The following MYEF2 variants were observed in gnomAD, a reference collection of about 807,000 sequenced individuals.
MYEF2 encodes the protein myelin gene expression factor 2.
Under a neutral mutation model 75.2 loss-of-function variants are expected in MYEF2, and 37 were observed. The observed-to-expected ratio is 0.49, with a 90% CI of 0.38 to 0.65. The LOEUF is 0.65. Among genes scored for constraint, MYEF2 ranks in the 30% least tolerant of loss-of-function variants. The probability of loss-of-function intolerance (pLI) is 0.00; values close to 1 mark genes in which losing one functional copy is unlikely to be tolerated. For synonymous variants in MYEF2, 195 were observed against 241.6 expected, an observed-to-expected ratio of 0.81 and a Z score of 1.79; for missense variants, 634 against 771.4, an observed-to-expected ratio of 0.82 and a Z score of 2.11.
intron 16 of MYEF2, among the ~76,000 whole-genome samples, chr15:48,148,505 C>T (rs1231199231): frequency 6.6e-6 from 1 of 151,926 alleles, no homozygotes; most frequent in Non-Finnish European, 1.5e-5. Flanking sequence ...CAAGGCATTC[C>T]TGACAGTGGG....
At position 48,168,714 on chromosome 15, in the gene MYEF2, C is replaced by A. The variant is rs768134920; in HGVS notation, c.287G>T (p.Gly96Val). 1 of 1,613,862 alleles carries A rather than the reference C, an allele frequency of 6.2e-7. No individual in the cohort carries two copies. Among genetic ancestry groups the A allele is most frequent in the East Asian group, 2.2e-5 (1 of 44,844 alleles). ...DKNSGAGEKK[G>V]PNRNRVFISN... ...AATGAAAACTCTGTTACGATTTGGA[C>A]CCTTCTTTTCTCCAGCGCCCGAATT... Residue 96 changes from glycine to valine, a missense_variant, in exon 2 of 17, where the codon GGT becomes GTT. Physicochemically the swap from Gly to Val is moderately radical, Grantham distance 109. Transcript: ENST00000324324.
At position 48,145,054 on chromosome 15, in the gene MYEF2, TAGAAATC is replaced by T. The variant is rs2039228100; in HGVS notation, c.1640-1990_1640-1984del. Among the ~76,000 whole-genome samples, 3 of 151,864 alleles carry T rather than the reference TAGAAATC, an allele frequency of 2.0e-5. No individual in the cohort carries two copies. The South Asian group carries it at 6.2e-4, about 31-fold the overall frequency. ...TTCTCTTAAATTGCCTCTTTCAGTT[TAGAAATC>T]AGCACTCAGACCTCCAAATTCCTGA... On this transcript the variant is annotated intron_variant, in intron 16 of 16. Coordinates refer to ENST00000324324, the MANE Select transcript of MYEF2 (RefSeq NM_016132.5).
intron 2 of MYEF2, among the ~76,000 whole-genome samples, chr15:48,168,052 A>G (rs2040191814): frequency 6.6e-6 from 1 of 152,156 alleles, no homozygotes; most frequent in Non-Finnish European, 1.5e-5. Context: ...TTACAAGATC[A>G]AGTATTAAAA....
At position 48,142,013 on chromosome 15, in the gene MYEF2, T is replaced by C. The variant is rs1285912870; in HGVS notation, c.*895A>G. ...TATTGGTAAGCACATTTTAACAGTA[T>C]GCTTTTCTTTTGTAGGGAAAGGAGA... On this transcript the variant is annotated 3_prime_UTR_variant, in exon 17 of 17. Coordinates refer to ENST00000324324, the MANE Select transcript of MYEF2 (RefSeq NM_016132.5). 3 of 1,578,408 alleles carry C rather than the reference T, an allele frequency of 1.9e-6. No homozygotes were observed. The highest frequency in any genetic ancestry group is 8.6e-7 in the Non-Finnish European group (1 of 1,156,502).
In MYEF2 at chr15:48,158,928, T is replaced by C. The variant is rs893713874; in HGVS notation, c.718-6A>G. On this transcript the variant is annotated splice_region_variant and splice_polypyrimidine_tract_variant and intron_variant, in intron 6 of 16. Coordinates refer to ENST00000324324, the MANE Select transcript of MYEF2 (RefSeq NM_016132.5). Reference sequence around the variant, plus strand: ...CAACCAACTTTGAAGTCAAGCTTAATATAAAATTGTATAAAGTTACATACC... The same window carrying C: ...CAACCAACTTTGAAGTCAAGCTTAACATAAAATTGTATAAAGTTACATACC... 2.5e-6 allele frequency: 4 copies of C among 1,611,536 alleles called. No individual in the cohort carries two copies. Among genetic ancestry groups the C allele is most frequent in the African/African-American group, 2.7e-5 (2 of 74,764 alleles).
rs2039517232 is a variant in MYEF2 at position 48,152,221 on chromosome 15, T to C, written c.1138+13A>G. Reference sequence around the variant, plus strand: ...TGATGGGTACATACAAAAAAACAAATCTTTATACATACCTCCTCCAATTCT... The same window carrying C: ...TGATGGGTACATACAAAAAAACAAACCTTTATACATACCTCCTCCAATTCT... On this transcript the variant is annotated intron_variant, in intron 11 of 16. Transcript: ENST00000324324. 7 of 1,606,556 alleles carry C rather than the reference T, an allele frequency of 4.4e-6. No homozygotes were observed. Among genetic ancestry groups the C allele is most frequent in the Non-Finnish European group, 4.3e-6 (5 of 1,174,956 alleles).
At chr15:48,153,615 A>G in intron 10 of MYEF2, 177 bp downstream of exon 10, 2 of 565,748 alleles carry the variant, frequency 3.5e-6, no homozygotes, top group South Asian at 4.8e-5. Flanking sequence ...ACTTCTGCCT[A>G]TCTCTTTCAT....
At chr15:48,159,488 A>G in intron 6 of MYEF2, 125 bp downstream of exon 6, 1 of 771,716 alleles carries the variant, frequency 1.3e-6, no homozygotes. Context: ...TGAGTTTACA[A>G]TAATTACTAT....
In MYEF2 at chr15:48,158,196, A is replaced by G. The variant is rs2039778878; in HGVS notation, c.900T>C (p.Asp300=). ...ISMFNGQFLF[D]RPMHVKMDDK... ...TCACCATTTTCACATGCATAGGTCT[A>G]TCAAATAAAAACTGCCCATTGAACA... The change falls in exon 8 of 17, where the codon GAT becomes GAC. Residue 300 remains aspartate, a synonymous_variant. Transcript: ENST00000324324. The G allele has an allele frequency of 6.2e-7, 1 of 1,613,098 alleles. No individual in the cohort carries two copies. The highest frequency in any genetic ancestry group is 1.3e-5 in the African/African-American group (1 of 74,994).
intron 1 of MYEF2, among the ~76,000 whole-genome samples, chr15:48,169,174 T>C (rs754969347): frequency 3.3e-5 from 5 of 152,198 alleles, no homozygotes; most frequent in Non-Finnish European, 2.9e-5. Context: ...ATTTTACTTC[T>C]AAGGTATCTA....
intron 6 of MYEF2, 149 bp downstream of exon 6, chr15:48,159,464 A>T: frequency 3.1e-6 from 2 of 651,274 alleles, no homozygotes; most frequent in South Asian, 3.9e-5. Flanking sequence ...ATATGTATAT[A>T]CGTCAATTGA....
rs987457229 is a variant in MYEF2, at chr15:48,141,519, G to A, written c.*1389C>T. On this transcript the variant is annotated 3_prime_UTR_variant, in exon 17 of 17. Transcript: ENST00000324324. ...TTGAATCCAGGAGGCGGAGGTTGCA[G>A]TGAGCCGAGATTGCGCCACGGCACT... 2 of 199,440 alleles carry A rather than the reference G, an allele frequency of 1.0e-5. No homozygotes were observed. The highest frequency in any genetic ancestry group is 9.9e-5 in the South Asian group (1 of 10,092). 12.4% of individuals were successfully genotyped at this position (199,440 alleles called of 1,614,324 possible).
chr15:48,149,015 G>T lies in MYEF2; in HGVS notation c.1639+17C>A, dbSNP rs1302495067. Reference sequence around the variant, plus strand: ...CATAATCAATATCAACATATCTGCAGTCATTTGCATACTTACCACACTGAC... The same window carrying T: ...CATAATCAATATCAACATATCTGCATTCATTTGCATACTTACCACACTGAC... On this transcript the variant is annotated intron_variant, in intron 16 of 16. Transcript: ENST00000324324. This position sits in a 1 kb window ranked among gnomAD's most constrained non-coding sequence, Gnocchi z 4.0. The T allele has an allele frequency of 6.2e-7, 1 of 1,611,990 alleles. No individual in the cohort carries two copies. Among genetic ancestry groups the T allele is most frequent in the South Asian group, 1.1e-5 (1 of 91,000 alleles).
At chr15:48,155,274 C>T (rs1344329195) in intron 9 of MYEF2, among the ~76,000 whole-genome samples, 1 of 151,696 alleles carries the variant, frequency 6.6e-6, no homozygotes, top group East Asian at 1.9e-4. Context: ...AAAATGAGAC[C>T]AAAGACTCAA....
Position 48,136,978 on chromosome 15 carries a change from T to C in MYEF2, c.*5930A>G, listed in dbSNP as rs780829277. ...GGTTTCTGAAGGTAATCACTAAATCTTGCCCATTATTAAGTCTATTCGCAA... is the reference window on the plus strand; with the variant it reads ...GGTTTCTGAAGGTAATCACTAAATCCTGCCCATTATTAAGTCTATTCGCAA... On this transcript the variant is annotated 3_prime_UTR_variant, in exon 17 of 17. Coordinates refer to ENST00000324324, the MANE Select transcript of MYEF2 (RefSeq NM_016132.5). The C allele has an allele frequency of 6.3e-7, 1 of 1,597,870 alleles. No homozygotes were observed. Among genetic ancestry groups the C allele is most frequent in the South Asian group, 1.1e-5 (1 of 89,120 alleles).
Position 48,153,907 on chromosome 15 carries a change from G to A in MYEF2, c.986-14C>T, listed in dbSNP as rs776099481. 1.9e-6 allele frequency: 3 copies of A among 1,603,100 alleles called. No homozygotes were observed. The highest frequency in any genetic ancestry group is 2.6e-6 in the Non-Finnish European group (3 of 1,171,804). ...CTCCAAGACCACCTAAAACAAAAAT[G>A]AGAACAATCATTACAAAGATCCATA... On this transcript the variant is annotated splice_polypyrimidine_tract_variant and intron_variant, in intron 9 of 16. Coordinates refer to ENST00000324324, the MANE Select transcript of MYEF2 (RefSeq NM_016132.5).
chr15:48,154,178 A>G (rs1260552862), intron 9 of MYEF2: 2 of 212,438 alleles, frequency 9.4e-6, no homozygotes, highest in East Asian at 2.0e-4. Context: ...TAAAATACCT[A>G]GAGGATTTTG....
Position 48,153,876 on chromosome 15 carries a change from C to T in MYEF2, c.1003G>A (p.Gly335Arg). The T allele has an allele frequency of 6.2e-7, 1 of 1,613,104 alleles. No individual in the cohort carries two copies. The highest frequency in any genetic ancestry group is 8.5e-7 in the Non-Finnish European group (1 of 1,179,390). ...PQLPRGLGGI[G>R]MGLGPGGQPI... ...TGTCCACCCGGACCAAGTCCCATCC[C>T]AATGCCTCCAAGACCACCTAAAACA... is the stretch of plus-strand genomic sequence containing the variant. The change falls in exon 10 of 17, where the codon GGG becomes AGG. Residue 335 changes from glycine (G) to arginine (R), a missense_variant. By Grantham distance (125) the Gly-to-Arg change is moderately radical. Transcript: ENST00000324324.
rs1334928258 is a variant in MYEF2 at position 48,135,210 on chromosome 15, T to A, written c.*7698A>T. ...ACAGTCTCCTTTTTTCTCTCACTAG[T>A]CACTGGAGACCACCACTTTTCCTTC... On this transcript the variant is annotated 3_prime_UTR_variant, in exon 17 of 17. Transcript: ENST00000324324. 3 of 367,396 alleles carry A rather than the reference T, an allele frequency of 8.2e-6. No homozygotes were observed. Among genetic ancestry groups the A allele is most frequent in the South Asian group, 4.5e-5 (1 of 22,422 alleles). The allele number at this position is 367,396 out of a possible 1,614,324, so 22.8% of individuals were successfully genotyped here.
Sources: allele counts gnomAD v4.1 joint callset (sites outside exome capture counted in the v4.1 genomes callset), GRCh38; gene constraint gnomAD v4.1.1; non-coding constraint Gnocchi (gnomAD v3.1); transcripts MANE v1.5; gene names NCBI Gene and HGNC (gene_info 2026-07-23, HGNC 2026-07-21).